DNAH12: variants seen among roughly 807,000 people sequenced by gnomAD.
DNAH12 encodes axonemal beta dynein heavy chain 12.
A neutral mutation model predicts 371.5 loss-of-function variants in DNAH12; 285 were observed. The ratio of observed to expected loss-of-function variants is 0.77; its 90% confidence interval spans 0.70 to 0.85. The LOEUF (loss-of-function observed/expected upper bound fraction) is 0.85, where lower values mean the gene tolerates loss of function less well. Among genes scored for constraint, DNAH12 ranks in the 40% least tolerant of loss-of-function variants. The pLI is 0.00. For synonymous variants in DNAH12, 1,200 were observed against 1,213.0 expected, an observed-to-expected ratio of 0.99 and a Z score of 0.22; for missense variants, 3,611 against 3,689.4, an observed-to-expected ratio of 0.98 and a Z score of 0.55.
intron 8 of DNAH12, 85 bp downstream of exon 8, chr3:57,507,558 A>G: frequency 1.1e-6 from 1 of 915,306 alleles, no homozygotes; most frequent in South Asian, 2.3e-5. Flanking sequence ...ATAATTACTT[A>G]GCACTATGTT....
chr3:57,542,647 C>G, intron 2 of DNAH12, 54 bp downstream of exon 2: 1 of 1,527,084 alleles, frequency 6.5e-7, no homozygotes, highest in Non-Finnish European at 8.8e-7. Flanking sequence ...AATATGAACA[C>G]TAATCATTTT....
intron 44 of DNAH12, among the ~76,000 whole-genome samples, chr3:57,392,810 T>C (rs2063653003): frequency 6.6e-6 from 1 of 152,112 alleles, no homozygotes; most frequent in Non-Finnish European, 1.5e-5. Context: ...AAAAGATAGA[T>C]AATAGCTAAA....
intron 43 of DNAH12, among the ~76,000 whole-genome samples, chr3:57,400,099 G>C (rs1207721835): frequency 1.3e-4 from 20 of 152,082 alleles, no homozygotes; most frequent in African/African-American, 4.6e-4. Context: ...GACCAGACTG[G>C]CCAAATGGCG....
intron 17 of DNAH12, among the ~76,000 whole-genome samples, chr3:57,464,848 T>C (rs548825373): frequency 3.9e-5 from 6 of 152,370 alleles, no homozygotes; most frequent in Admixed American, 1.3e-4. Context: ...TTAGCAACTT[T>C]ATGGCGACAA....
At chr3:57,508,959 T>A (rs1289535878) in intron 6 of DNAH12, among the ~76,000 whole-genome samples, 181 bp downstream of exon 6, 1 of 152,226 alleles carries the variant, frequency 6.6e-6, no homozygotes, top group East Asian at 1.9e-4. Context: ...CAGTTATGTA[T>A]GCAGAACTAA....
At chr3:57,348,136 T>C (rs1368275152) in intron 60 of DNAH12, among the ~76,000 whole-genome samples, 1 of 152,168 alleles carries the variant, frequency 6.6e-6, no homozygotes, top group African/African-American at 2.4e-5. Context: ...AGTAGGTTAA[T>C]GAATAAACTG....
chr3:57,534,344 G>A (rs2068951420), intron 2 of DNAH12, among the ~76,000 whole-genome samples: 1 of 151,872 alleles, frequency 6.6e-6, no homozygotes, highest in African/African-American at 2.4e-5. Flanking sequence ...CTGATTTTTT[G>A]GTTCTTATGA....
intron 11 of DNAH12, among the ~76,000 whole-genome samples, chr3:57,490,009 C>T (rs1234483844): frequency 1.3e-5 from 2 of 152,108 alleles, no homozygotes; most frequent in South Asian, 2.1e-4. Flanking sequence ...TAGAAACAAA[C>T]TTATATCATG....
Position 57,384,919 on chromosome 3 carries a change from T to A in DNAH12, c.7770A>T (p.Glu2590Asp), listed in dbSNP as rs1189308372. 1 of 152,240 alleles carries A rather than the reference T, an allele frequency of 6.6e-6. No homozygotes were observed. Among genetic ancestry groups the A allele is most frequent in the Non-Finnish European group, 1.5e-5 (1 of 68,048 alleles). The allele number at this position is 152,240 out of a possible 1,614,324, so 9.4% of individuals were successfully genotyped here. Residue 2590 changes from glutamate to aspartate, a missense_variant, in exon 49 of 74, where the codon GAA (glutamate) becomes GAT (aspartate). Physicochemically the swap from Glu to Asp is conservative, Grantham distance 45. Coordinates refer to ENST00000495027, the MANE Select transcript of DNAH12 (RefSeq NM_001366028.2). ...CACACTCATTTTTCAGAGCTTGGGC[T>A]TCTTCAGCTTTCCCACTGGCTATCT... is the stretch of plus-strand genomic sequence containing the variant. ...DEEIASGKAE[E>D]AQALKNECES...
intron 65 of DNAH12, among the ~76,000 whole-genome samples, chr3:57,315,910 G>A (rs1349275296): frequency 2.0e-5 from 3 of 152,104 alleles, no homozygotes; most frequent in Admixed American, 2.0e-4. Context: ...AAAACAGAAA[G>A]ATGCATACTT....
rs1432116421 is a variant in DNAH12, at chr3:57,301,941, T to C, written c.11190-2A>G. 5.2e-6 allele frequency: 8 copies of C among 1,551,164 alleles called. No individual in the cohort carries two copies. The highest frequency in any genetic ancestry group is 7.0e-6 in the Non-Finnish European group (8 of 1,146,690). On this transcript the variant is annotated splice_acceptor_variant, in intron 69 of 73. Coordinates refer to ENST00000495027, the MANE Select transcript of DNAH12 (RefSeq NM_001366028.2). LOFTEE classifies it high-confidence loss of function. ...GTGTTACGTATAGTTATAATTAAACTGCAATGAAAGAAATTATGTCATCAA... is the reference window on the plus strand; with the variant it reads ...GTGTTACGTATAGTTATAATTAAACCGCAATGAAAGAAATTATGTCATCAA...
At chr3:57,316,503 CAA>C (rs2061688646) in intron 65 of DNAH12, among the ~76,000 whole-genome samples, 1 of 152,130 alleles carries the variant, frequency 6.6e-6, no homozygotes, top group Non-Finnish European at 1.5e-5. Flanking sequence ...TAATCACACA[CAA>C]ATGGAAAGAG....
intron 73 of DNAH12, among the ~76,000 whole-genome samples, chr3:57,295,296 A>G (rs1025603549): frequency 6.6e-6 from 1 of 152,216 alleles, no homozygotes; most frequent in Non-Finnish European, 1.5e-5. Context: ...AAAGAATGAC[A>G]TATCCCATAG....
chr3:57,466,250 A>G (rs1457372032), intron 17 of DNAH12, among the ~76,000 whole-genome samples: 4 of 152,222 alleles, frequency 2.6e-5, no homozygotes, highest in Non-Finnish European at 5.9e-5. Flanking sequence ...ATAAGAATAT[A>G]TACTCACATT....
At chr3:57,353,623 T>C (rs1349808313) in intron 59 of DNAH12, among the ~76,000 whole-genome samples, 1 of 152,212 alleles carries the variant, frequency 6.6e-6, no homozygotes, top group African/African-American at 2.4e-5. Context: ...ATTTTCAAAC[T>C]GTACATCTGA....
At chr3:57,408,036 T>C (rs1285527253) in intron 40 of DNAH12, among the ~76,000 whole-genome samples, 1 of 152,106 alleles carries the variant, frequency 6.6e-6, no homozygotes, top group Non-Finnish European at 1.5e-5. Context: ...ATTTTAGTCA[T>C]TAAAAAAACA....
chr3:57,493,025 CAAA>C (rs2067185305), intron 11 of DNAH12, among the ~76,000 whole-genome samples: 1 of 151,904 alleles, frequency 6.6e-6, no homozygotes, highest in African/African-American at 2.4e-5. Flanking sequence ...AACAAACAAA[CAAA>C]CAAACAAAAC....
chr3:57,313,912 A>AT (rs2061633345), intron 66 of DNAH12, among the ~76,000 whole-genome samples: 3 of 152,212 alleles, frequency 2.0e-5, no homozygotes, highest in African/African-American at 7.2e-5. Flanking sequence ...CTGGGGTCTA[A>AT]TATTCAACAA....
rs147567541 is a variant in DNAH12, at chr3:57,300,660, C to T, written c.11394+1075G>A. The stretch of plus-strand genomic sequence containing the variant: ...TATCAGATTGGCAAAAATTTTAAAG[C>T]GATATAGGAGAAAGTCTGTCTCTCT... On this transcript the variant is annotated intron_variant, in intron 70 of 73. Coordinates refer to ENST00000495027, the MANE Select transcript of DNAH12 (RefSeq NM_001366028.2). Among the ~76,000 whole-genome samples the T allele has an allele frequency of 4.9e-3, 753 of 152,130 alleles. 19 individuals are homozygous for T. Among genetic ancestry groups the T allele is most frequent in the Admixed American group, 0.042 (638 of 15,288 alleles).
Sources: gnomAD v4.1 joint callset for allele counts (sites outside exome capture counted in the v4.1 genomes callset) on GRCh38, gnomAD v4.1.1 for gene constraint, MANE v1.5 for transcripts, NCBI Gene and HGNC (gene_info 2026-07-23, HGNC 2026-07-21) for gene names.